Variants in MCOLN2 observed in about 807,000 individuals in gnomAD.
MCOLN2 encodes mucolipin-2.
Under a neutral mutation model 67.5 loss-of-function variants are expected in MCOLN2, and 57 were observed. The ratio of observed to expected loss-of-function variants is 0.84; its 90% CI spans 0.68 to 1.05. The LOEUF (loss-of-function observed/expected upper bound fraction) is 1.05, where lower values mean the gene tolerates loss of function less well. MCOLN2 is among the 50% of genes least tolerant of loss of function. MCOLN2 has a pLI of 0.00. For synonymous variants in MCOLN2, 246 were observed against 233.3 expected, an observed-to-expected ratio of 1.05 and a Z score of -0.50; for missense variants, 620 against 678.8, an observed-to-expected ratio of 0.91 and a Z score of 0.96.
chr1:84,937,595 T>C, intron 11 of MCOLN2, 160 bp downstream of exon 11: 1 of 1,410,040 alleles, frequency 7.1e-7, no homozygotes, highest in Non-Finnish European at 9.2e-7. Flanking sequence ...TTCTATATCC[T>C]GAAAAGGAAA....
intron 1 of MCOLN2, among the ~76,000 whole-genome samples, chr1:84,966,093 A>C (rs1029840152): frequency 2.6e-5 from 4 of 151,880 alleles, no homozygotes. Flanking sequence ...TCTCTACTAA[A>C]ATACAAAAAT....
intron 12 of MCOLN2, 143 bp from the exon 13 acceptor site, chr1:84,929,822 A>C (rs1240213309): frequency 3.3e-5 from 23 of 686,660 alleles, no homozygotes; most frequent in Non-Finnish European, 4.8e-5. Context: ...TACAATGATG[A>C]ATCAATCTGT....
intron 7 of MCOLN2, among the ~76,000 whole-genome samples, chr1:84,941,946 A>G (rs1309736950): frequency 6.6e-6 from 1 of 152,198 alleles, no homozygotes; most frequent in Non-Finnish European, 1.5e-5. Context: ...ACTTCACGGT[A>G]GTGTCTCCAA....
intron 1 of MCOLN2, among the ~76,000 whole-genome samples, chr1:84,981,052 G>A (rs1052752752): frequency 2.0e-5 from 3 of 152,114 alleles, no homozygotes; most frequent in African/African-American, 7.2e-5. Flanking sequence ...GATATGAAAA[G>A]GTGCTCAACA....
chr1:84,970,846 G>C (rs1166492978), intron 1 of MCOLN2, among the ~76,000 whole-genome samples: 6 of 152,316 alleles, frequency 3.9e-5, no homozygotes. Context: ...GAGAGTGCTT[G>C]ATGCAGCCCA....
At chr1:84,927,975 C>T (rs1378832310) in intron 13 of MCOLN2, among the ~76,000 whole-genome samples, 1 of 152,054 alleles carries the variant, frequency 6.6e-6, no homozygotes, top group Non-Finnish European at 1.5e-5. Flanking sequence ...GGAGTCAAAG[C>T]CATCACTTGT....
At chr1:84,959,552 C>T (rs1012341158) in intron 2 of MCOLN2, among the ~76,000 whole-genome samples, 3 of 152,166 alleles carry the variant, frequency 2.0e-5, no homozygotes, top group Admixed American at 6.5e-5. Context: ...TCATCACACA[C>T]GCACTCTCAC....
intron 1 of MCOLN2, among the ~76,000 whole-genome samples, chr1:84,982,133 G>T (rs1277376992): frequency 6.6e-6 from 1 of 150,396 alleles, no homozygotes; most frequent in Non-Finnish European, 1.5e-5. Flanking sequence ...AAGCTGGGGT[G>T]GGGGGAAGCA....
At chr1:84,952,785 A>G (rs1200684964) in intron 4 of MCOLN2, among the ~76,000 whole-genome samples, 1 of 152,248 alleles carries the variant, frequency 6.6e-6, no homozygotes, top group African/African-American at 2.4e-5. Context: ...CTCCTGATAC[A>G]ATGAACTGAG....
intron 1 of MCOLN2, among the ~76,000 whole-genome samples, chr1:84,976,583 T>A (rs1420267216): frequency 6.6e-6 from 1 of 152,018 alleles, no homozygotes; most frequent in Non-Finnish European, 1.5e-5. Flanking sequence ...CTGACCAACA[T>A]GATGAAACCC....
In MCOLN2 at chr1:84,940,940, A is replaced by G. The variant is rs760647531; in HGVS notation, c.899T>C (p.Ile300Thr). ...VLVFDAFVIV[I>T]CLASLILCTR... is the part of the protein sequence containing the mutation. ...ACACAGAATAAGAGATGCCAAGCAAATCACAATGACAAATGCATCAAACAC... is the reference window on the plus strand; with the variant it reads ...ACACAGAATAAGAGATGCCAAGCAAGTCACAATGACAAATGCATCAAACAC... The change falls in exon 8 of 14, where the codon ATT becomes ACT. Residue 300 changes from isoleucine (I) to threonine (T), a missense_variant. Transcript: ENST00000370608. 1 of 1,613,920 alleles carries G rather than the reference A, an allele frequency of 6.2e-7. No homozygotes were observed. The highest frequency in any genetic ancestry group is 1.1e-5 in the South Asian group (1 of 91,040).
chr1:84,987,165 T>TA (rs1372931561), intron 1 of MCOLN2, among the ~76,000 whole-genome samples: 2 of 138,852 alleles, frequency 1.4e-5, no homozygotes, highest in Non-Finnish European at 3.1e-5. Flanking sequence ...GAAAAGGTGA[T>TA]ATATATAGGC....
chr1:84,929,546 C>T lies in MCOLN2; in HGVS notation c.1664+12G>A, dbSNP rs758545927. ...CCATCTCAGGAGCATGGAGAATAAA[C>T]ATGATACTGACCTCCTCCGACAGCA... On this transcript the variant is annotated intron_variant, in intron 13 of 13. Coordinates refer to ENST00000370608, the MANE Select transcript of MCOLN2 (RefSeq NM_153259.4). 6.2e-7 allele frequency: 1 copy of T among 1,606,868 alleles called. No individual in the cohort carries two copies. Among genetic ancestry groups the T allele is most frequent in the Non-Finnish European group, 8.5e-7 (1 of 1,175,254 alleles).
Position 84,997,051 on chromosome 1 carries a change from G to C in MCOLN2, c.-179C>G. The C allele has an allele frequency of 1.6e-6, 1 of 607,364 alleles. No homozygotes were observed. The highest frequency in any genetic ancestry group is 2.0e-5 in the South Asian group (1 of 50,104). The allele number at this position is 607,364 out of a possible 1,614,324, so 37.6% of individuals were successfully genotyped here. On this transcript the variant is annotated 5_prime_UTR_variant, in exon 1 of 14. Coordinates refer to ENST00000370608, the MANE Select transcript of MCOLN2 (RefSeq NM_153259.4). Reference sequence around the variant, plus strand: ...GGTGCGCGCAGACCCCGGCCCGAGAGCAGGCGCCGCAGTCGTGGAGTGCGG... The same window carrying C: ...GGTGCGCGCAGACCCCGGCCCGAGACCAGGCGCCGCAGTCGTGGAGTGCGG...
intron 1 of MCOLN2, among the ~76,000 whole-genome samples, chr1:84,974,355 C>T (rs376098289): frequency 6.6e-6 from 1 of 151,752 alleles, no homozygotes; most frequent in South Asian, 2.1e-4. Context: ...CCCCAGGCTG[C>T]ACAACTAGTG....
intron 11 of MCOLN2, among the ~76,000 whole-genome samples, chr1:84,935,879 A>G (rs1395168460): frequency 6.6e-6 from 1 of 152,198 alleles, no homozygotes; most frequent in East Asian, 1.9e-4. Flanking sequence ...CATTGAAAGA[A>G]TGAAGCCGAT....
intron 1 of MCOLN2, among the ~76,000 whole-genome samples, chr1:84,985,915 C>T (rs1397841609): frequency 1.3e-5 from 2 of 152,024 alleles, no homozygotes; most frequent in African/African-American, 2.4e-5. Flanking sequence ...ATACCACCAC[C>T]ATTCTTCACA....
rs747961166 is a variant in MCOLN2 at position 84,952,497 on chromosome 1, T to C, written c.599A>G (p.Lys200Arg). The C allele has an allele frequency of 2.5e-6, 4 of 1,613,196 alleles. No homozygotes were observed. The highest frequency in any genetic ancestry group is 1.3e-5 in the African/African-American group (1 of 75,038). Residue 200 changes from lysine to arginine, a missense_variant, in exon 5 of 14, where the codon AAG becomes AGG. Coordinates refer to ENST00000370608, the MANE Select transcript of MCOLN2 (RefSeq NM_153259.4). ...TGAGTTCTTCCAGTCCGGAGGCTTC[T>C]TGGAGAGGTCCTGAAGGTCTAATTG... ...CVQLDLQDLS[K>R]KPPDWKNSSF...
At chr1:84,932,875 C>A (rs966023966) in intron 11 of MCOLN2, among the ~76,000 whole-genome samples, 4 of 152,160 alleles carry the variant, frequency 2.6e-5, no homozygotes, top group African/African-American at 9.7e-5. Context: ...GCAGTAAAAC[C>A]TGTACTTTAA....
Sources: allele counts gnomAD v4.1 joint callset (sites outside exome capture counted in the v4.1 genomes callset), GRCh38; gene constraint gnomAD v4.1.1; transcripts MANE v1.5; gene names NCBI Gene and HGNC (gene_info 2026-07-23, HGNC 2026-07-21).